The following PACRGL variants were observed in gnomAD, a reference collection of about 807,000 sequenced individuals.
PACRGL encodes parkin coregulated like.
Under a neutral mutation model 34.5 loss-of-function variants are expected in PACRGL, and 38 were observed. That is an observed-to-expected ratio of 1.10 (90% CI 0.85 to 1.44). PACRGL has a LOEUF of 1.44. Ranked by LOEUF, PACRGL falls within the 40% of genes most tolerant of loss-of-function variation. PACRGL has a pLI of 0.00. For synonymous variants in PACRGL, 128 were observed against 100.1 expected (o/e 1.28, Z -1.66); for missense variants, 305 against 281.4 (o/e 1.08, Z -0.60).
chr4:20,758,153 G>C, the PACRGL span, among the ~76,000 whole-genome samples: 12 of 152,202 alleles, frequency 7.9e-5, no homozygotes, highest in African/African-American at 2.9e-4. Flanking sequence ...GTAATTGAAA[G>C]AAAAACTATA....
At chr4:20,703,541 C>A (rs1355346647) in intron 1 of PACRGL, among the ~76,000 whole-genome samples, 1 of 148,392 alleles carries the variant, frequency 6.7e-6, no homozygotes, top group East Asian at 2.0e-4. Flanking sequence ...GCTAGAGATA[C>A]AATTGTAGAA....
chr4:20,745,129 T>C (rs1321026343), intron 8 of PACRGL, among the ~76,000 whole-genome samples: 31 of 152,188 alleles, frequency 2.0e-4, no homozygotes, highest in Admixed American at 1.8e-3. Flanking sequence ...TTTGGCCTCT[T>C]CTTGCAGCCC....
chr4:20,733,423 T>G (rs975282010), downstream of PACRGL, among the ~76,000 whole-genome samples: 1 of 152,212 alleles, frequency 6.6e-6, no homozygotes, highest in African/African-American at 2.4e-5. Context: ...TCTAATAACT[T>G]AAACATTTAG....
chr4:20,716,205 G>A (rs896154672), intron 7 of PACRGL: 16 of 969,890 alleles, frequency 1.6e-5, no homozygotes, highest in Non-Finnish European at 2.4e-5. Flanking sequence ...TGGCTGTTAT[G>A]GTTTCTTACA....
chr4:20,754,251 CTG>C (rs1420384219), downstream of PACRGL, among the ~76,000 whole-genome samples: 7 of 152,272 alleles, frequency 4.6e-5, no homozygotes, highest in East Asian at 1.2e-3. Flanking sequence ...GTTTGATAAA[CTG>C]TTTCACAAAG....
chr4:20,707,246 A>G lies in PACRGL; in HGVS notation c.208-557A>G, dbSNP rs28373097. Among the ~76,000 whole-genome samples, 598 of 152,340 alleles carry G rather than the reference A, an allele frequency of 3.9e-3. 6 individuals are homozygous for G. The highest frequency in any genetic ancestry group is 0.013 in the African/African-American group (561 of 41,570). ...AATCATCTTTAAGAGTAGGTATAAAATCAAGCTATTCATATATAGCAAAAC... is the reference window on the plus strand; with the variant it reads ...AATCATCTTTAAGAGTAGGTATAAAGTCAAGCTATTCATATATAGCAAAAC... On this transcript the variant is annotated intron_variant, in intron 3 of 8. Transcript: ENST00000503585.
chr4:20,718,791 C>A (rs1741457133), intron 7 of PACRGL: 1 of 152,092 alleles, frequency 6.6e-6, no homozygotes, highest in Admixed American at 6.5e-5. Context: ...GTCTTAAATT[C>A]TTTTTTTTGT....
At chr4:20,725,028 T>C (rs1745029668) in intron 8 of PACRGL, 140 bp downstream of exon 8, 1 of 513,884 alleles carries the variant, frequency 1.9e-6, no homozygotes, top group Admixed American at 4.0e-5. Context: ...ATTTTCCTTT[T>C]AGAACTCAAG....
In PACRGL at chr4:20,730,051, T is replaced by C; in HGVS notation, c.*2710T>C. On this transcript the variant is annotated 3_prime_UTR_variant, in exon 9 of 9. Transcript: ENST00000503585. ...TAAGGGTGGTAGAATAGTTCACATT[T>C]GTCTGTTGGATTCAGGATCTATTTG... The C allele has an allele frequency of 6.3e-7, 1 of 1,598,452 alleles. No homozygotes were observed. The highest frequency in any genetic ancestry group is 8.5e-7 in the Non-Finnish European group (1 of 1,174,374).
intron 1 of PACRGL, among the ~76,000 whole-genome samples, chr4:20,701,002 C>A (rs749480291): frequency 7.9e-5 from 12 of 152,042 alleles, no homozygotes; most frequent in Non-Finnish European, 1.5e-4. Flanking sequence ...TTTGAATTTA[C>A]TTTCTGGTAA....
Position 20,708,571 on chromosome 4 carries a change from T to C in PACRGL, c.275+701T>C, listed in dbSNP as rs138105722. 1.5e-3 allele frequency among the ~76,000 whole-genome samples: 236 copies of C among 152,316 alleles called. 1 individual carries two copies. The highest frequency in any genetic ancestry group is 5.4e-3 in the African/African-American group (224 of 41,578). On this transcript the variant is annotated intron_variant, in intron 4 of 8. Transcript: ENST00000503585. ...GTTATTTCATATTTACATTCTGAATTGAAACCCTATTTAAAGTTTCTTAAT... is the reference window on the plus strand; with the variant it reads ...GTTATTTCATATTTACATTCTGAATCGAAACCCTATTTAAAGTTTCTTAAT...
At chr4:20,740,296 T>C (rs562379540) in intron 8 of PACRGL, among the ~76,000 whole-genome samples, 71 of 151,352 alleles carry the variant, frequency 4.7e-4, no homozygotes, top group South Asian at 8.4e-4. Flanking sequence ...TTCACCAAAG[T>C]TGAAATGAAG....
chr4:20,750,338 G>T (rs1268436056), intron 8 of PACRGL, among the ~76,000 whole-genome samples: 1 of 152,132 alleles, frequency 6.6e-6, no homozygotes, highest in Non-Finnish European at 1.5e-5. Context: ...AGTAAAGTTG[G>T]CTGATGGATT....
chr4:20,726,841 C>A (rs1745884226), intron 8 of PACRGL, among the ~76,000 whole-genome samples: 1 of 152,060 alleles, frequency 6.6e-6, no homozygotes. Context: ...GGAAAAGGCA[C>A]AATGCAAATC....
chr4:20,763,029 T>C, the PACRGL span, among the ~76,000 whole-genome samples: 1 of 152,096 alleles, frequency 6.6e-6, no homozygotes, highest in Non-Finnish European at 1.5e-5. Flanking sequence ...CTCACCCACT[T>C]ATCACGAGAA....
At chr4:20,727,255 T>A in intron 8 of PACRGL, 30 bp from the exon 9 acceptor site, 1 of 1,575,106 alleles carries the variant, frequency 6.3e-7, no homozygotes, top group Non-Finnish European at 8.7e-7. Flanking sequence ...TGCATGATAC[T>A]AATGATGCTC....
downstream of PACRGL, among the ~76,000 whole-genome samples, chr4:20,757,146 G>A (rs1418855713): frequency 1.3e-5 from 2 of 152,036 alleles, no homozygotes; most frequent in South Asian, 2.1e-4. Context: ...AATCCTGGAA[G>A]GTATCACAAA....
downstream of PACRGL, chr4:20,734,531 CA>C (rs1578424220): frequency 6.6e-6 from 4 of 606,104 alleles, no homozygotes; most frequent in Admixed American, 3.0e-5. Context: ...GGAATTTCCT[CA>C]AAAAAACTTT....
At chr4:20,697,873 T>C (rs1208883884), upstream of PACRGL, among the ~76,000 whole-genome samples, 2 of 152,042 alleles carry the variant, frequency 1.3e-5, no homozygotes, top group East Asian at 3.9e-4. Context: ...CATTCACGAG[T>C]GTTCCAACCC....
Sources: allele counts gnomAD v4.1 joint callset (sites outside exome capture counted in the v4.1 genomes callset), GRCh38; gene constraint gnomAD v4.1.1; transcripts MANE v1.5; gene names NCBI Gene and HGNC (gene_info 2026-07-23, HGNC 2026-07-21).